Variants in FLYWCH1 observed in about 807,000 individuals in gnomAD.
The protein encoded by FLYWCH1 is FLYWCH-type zinc finger 1, also known as FLYWCH-type zinc finger-containing protein 1.
In FLYWCH1, 75 loss-of-function variants were observed where a neutral mutation model predicts 66.4. That is an observed-to-expected ratio of 1.13 (90% CI 0.94 to 1.37). FLYWCH1 has a LOEUF of 1.37. Among genes scored for constraint, FLYWCH1 ranks in the 40% most tolerant of loss-of-function variants. FLYWCH1 has a pLI of 0.00. For missense variants in FLYWCH1, 1,334 were observed against 1,001.8 expected (o/e 1.33, Z -4.48); for synonymous variants, 595 against 429.9 (o/e 1.38, Z -4.75).
In FLYWCH1 at chr16:2,948,753, G is replaced by C. The variant is rs766511590; in HGVS notation, c.*26G>C. 6.2e-7 allele frequency: 1 copy of C among 1,613,338 alleles called. No homozygotes were observed. Among genetic ancestry groups the C allele is most frequent in the Admixed American group, 1.7e-5 (1 of 60,010 alleles). ...GGCGATGTGGGCAGAGGAGCTCCGA[G>C]CCGCCCACCCAAGGTGGCTTCACAT... On this transcript the variant is annotated 3_prime_UTR_variant, in exon 10 of 10. Coordinates refer to ENST00000253928, the MANE Select transcript of FLYWCH1 (RefSeq NM_001308068.2).
At chr16:2,940,437 G>A (rs1303570167) in intron 9 of FLYWCH1, among the ~76,000 whole-genome samples, 1 of 152,194 alleles carries the variant, frequency 6.6e-6, no homozygotes, top group African/African-American at 2.4e-5. Flanking sequence ...TAAAGCAAGA[G>A]TCCATTATTT....
At chr16:2,945,471 G>C (rs1311717995) in intron 9 of FLYWCH1, among the ~76,000 whole-genome samples, 1 of 131,010 alleles carries the variant, frequency 7.6e-6, no homozygotes, top group Non-Finnish European at 1.6e-5. Flanking sequence ...TGGTGGCAGA[G>C]CGAGACTCCA....
chr16:2,932,760 C>G (rs1001461260), intron 4 of FLYWCH1, among the ~76,000 whole-genome samples: 3 of 152,160 alleles, frequency 2.0e-5, no homozygotes, highest in Non-Finnish European at 2.9e-5. Flanking sequence ...ACAGAGACCA[C>G]TGAGTCTGAG....
In FLYWCH1 at chr16:2,941,995, C is replaced by CAAAA. The variant is rs748281347; in HGVS notation, c.2111+1928_2111+1931dup. Among the ~76,000 whole-genome samples, 4 of 33,594 alleles carry CAAAA rather than the reference C, an allele frequency of 1.2e-4. 1 individual carries two copies. Among genetic ancestry groups the CAAAA allele is most frequent in the African/African-American group, 3.1e-4 (4 of 13,106 alleles). 22.0% of individuals were successfully genotyped at this position (33,594 alleles called of 152,430 possible). A position where few individuals can be genotyped will look rare whatever the true frequency, so the allele number is the denominator to read the frequency against. On this transcript the variant is annotated intron_variant, in intron 9 of 9. Coordinates refer to ENST00000253928, the MANE Select transcript of FLYWCH1 (RefSeq NM_001308068.2). ...CTGGGCGACAGAGCAAGACTCATCT[C>CAAAA]AAAAAAAAAAAAAAAAAAAAAAAAA...
chr16:2,930,245 C>A (rs993047615), intron 3 of FLYWCH1, among the ~76,000 whole-genome samples, 165 bp from the exon 4 acceptor site: 3 of 152,170 alleles, frequency 2.0e-5, no homozygotes, highest in African/African-American at 7.2e-5. Context: ...CATCCACTAC[C>A]ACCCCCAAAA....
intron 4 of FLYWCH1, among the ~76,000 whole-genome samples, chr16:2,932,656 C>G (rs766123744): frequency 2.6e-5 from 4 of 152,058 alleles, no homozygotes; most frequent in Non-Finnish European, 5.9e-5. Flanking sequence ...TCTTTTCGAA[C>G]CATTTGAATG....
chr16:2,922,846 G>A, intron 2 of FLYWCH1: 1 of 524,206 alleles, frequency 1.9e-6, no homozygotes, highest in Non-Finnish European at 3.8e-6. Flanking sequence ...AGACAAGTGT[G>A]TTGTCTTCTG....
At chr16:2,939,431 G>C (rs894543133) in intron 8 of FLYWCH1, among the ~76,000 whole-genome samples, 2 of 151,898 alleles carry the variant, frequency 1.3e-5, no homozygotes, top group African/African-American at 4.8e-5. Flanking sequence ...CCTCCAGCCT[G>C]GGCAACAAGA....
rs1336615051 is a variant in FLYWCH1 at position 2,925,060 on chromosome 16, C to A, written c.-73-4553C>A. The stretch of plus-strand genomic sequence containing the variant: ...GACAGGCCCCTGCCCGCCTGCACTC[C>A]CATGGCGCAGCTGTGTCCTGCAGGA... On this transcript the variant is annotated intron_variant, in intron 2 of 9. Coordinates refer to ENST00000253928, the MANE Select transcript of FLYWCH1 (RefSeq NM_001308068.2). Among the ~76,000 whole-genome samples the A allele has an allele frequency of 2.6e-5, 4 of 152,252 alleles. No homozygotes were observed. The Middle Eastern group carries it at 9.5e-3, about 361-fold the overall frequency.
In FLYWCH1 at chr16:2,921,977, C is replaced by G. The variant is rs1415575690; in HGVS notation, c.-73-7636C>G. ...ACTCAGGAGGCTGAGGCGGGAGAAT[C>G]ACTTGAACCCGGGAGGCAGAGGTTG... On this transcript the variant is annotated intron_variant, in intron 2 of 9. Coordinates refer to ENST00000253928, the MANE Select transcript of FLYWCH1 (RefSeq NM_001308068.2). 5.3e-5 allele frequency among the ~76,000 whole-genome samples: 8 copies of G among 152,150 alleles called. No homozygotes were observed. The South Asian group carries it at 1.7e-3, about 32-fold the overall frequency.
intron 2 of FLYWCH1, among the ~76,000 whole-genome samples, chr16:2,914,772 A>G (rs150152912): frequency 1.3e-3 from 196 of 152,032 alleles, no homozygotes; most frequent in African/African-American, 4.6e-3. Flanking sequence ...GTGGTGGCGC[A>G]CACCTGTAAT....
intron 9 of FLYWCH1, among the ~76,000 whole-genome samples, chr16:2,943,926 G>C (rs1003382511): frequency 1.8e-4 from 27 of 151,792 alleles, no homozygotes; most frequent in African/African-American, 6.1e-4. Flanking sequence ...AACATAGTGA[G>C]ATCCCGTCTC....
Position 2,928,217 on chromosome 16 carries a change from C to T in FLYWCH1, c.-73-1396C>T, listed in dbSNP as rs114355170. 8.0e-3 allele frequency among the ~76,000 whole-genome samples: 1,213 copies of T among 152,300 alleles called. 17 individuals are homozygous for T. Among genetic ancestry groups the T allele is most frequent in the African/African-American group, 0.027 (1,128 of 41,556 alleles). On this transcript the variant is annotated intron_variant, in intron 2 of 9. Coordinates refer to ENST00000253928, the MANE Select transcript of FLYWCH1 (RefSeq NM_001308068.2). Reference sequence around the variant, plus strand: ...CGGCTTTACACTGAGACATGCCATTCCCAGGGACGAGCAGGGGACAGAAAG... The same window carrying T: ...CGGCTTTACACTGAGACATGCCATTTCCAGGGACGAGCAGGGGACAGAAAG...
intron 2 of FLYWCH1, among the ~76,000 whole-genome samples, chr16:2,925,900 G>T (rs1336616880): frequency 6.6e-6 from 1 of 152,216 alleles, no homozygotes; most frequent in Admixed American, 6.5e-5. Flanking sequence ...GGGAACTTTG[G>T]ATCAAAGTGG....
chr16:2,920,758 C>G (rs1414373189), intron 2 of FLYWCH1, among the ~76,000 whole-genome samples: 2 of 150,842 alleles, frequency 1.3e-5, no homozygotes, highest in Non-Finnish European at 2.9e-5. Flanking sequence ...TCGGGCTGGT[C>G]TCAAACTCCC....
At chr16:2,928,206 G>C (rs1179620154) in intron 2 of FLYWCH1, among the ~76,000 whole-genome samples, 4 of 152,204 alleles carry the variant, frequency 2.6e-5, no homozygotes, top group Admixed American at 2.0e-4. Context: ...TTTACACTGA[G>C]ACATGCCATT....
chr16:2,913,867 A>T lies in FLYWCH1; in HGVS notation c.-187-309A>T, dbSNP rs4617863. Among the ~76,000 whole-genome samples the T allele has an allele frequency of 4.9e-3, 736 of 151,532 alleles. 3 individuals carry two copies. Among genetic ancestry groups the T allele is most frequent in the African/African-American group, 0.013 (552 of 41,264 alleles). The stretch of plus-strand genomic sequence containing the variant: ...AGTCATCCAGGAGCTTTAAAAAAAA[A>T]TTTTTTTAGTAGAAATGGTGGGGGC... On this transcript the variant is annotated intron_variant, in intron 1 of 9. Transcript: ENST00000253928.
At chr16:2,916,055 C>T (rs1472791869) in intron 2 of FLYWCH1, among the ~76,000 whole-genome samples, 2 of 152,002 alleles carry the variant, frequency 1.3e-5, no homozygotes, top group Non-Finnish European at 2.9e-5. Flanking sequence ...TTTTTAAAGT[C>T]TGTTGTTTTG....
chr16:2,916,741 A>G (rs1188943980), intron 2 of FLYWCH1, among the ~76,000 whole-genome samples: 1 of 152,180 alleles, frequency 6.6e-6, no homozygotes, highest in Non-Finnish European at 1.5e-5. Context: ...TGCTTTCTCC[A>G]TCAGATTTTA....
Sources: gnomAD v4.1 joint callset for allele counts (sites outside exome capture counted in the v4.1 genomes callset) on GRCh38, gnomAD v4.1.1 for gene constraint, MANE v1.5 for transcripts, NCBI Gene and HGNC (gene_info 2026-07-23, HGNC 2026-07-21) for gene names.